NFU1: variants seen among roughly 807,000 people sequenced by gnomAD.
NFU1 encodes the protein NFU1 iron-sulfur cluster scaffold homolog, mitochondrial.
NFU1 carries 30 observed loss-of-function variants against 32.2 expected under a neutral mutation model. That is an observed-to-expected ratio of 0.93 (90% CI 0.70 to 1.26). NFU1 has a LOEUF of 1.26. NFU1 is among the 50% of genes most tolerant of loss of function. The pLI, the probability that NFU1 is intolerant of heterozygous loss-of-function variation, is 0.00. For synonymous variants in NFU1, 112 were observed against 104.6 expected, an observed-to-expected ratio of 1.07 and a Z score of -0.43; for missense variants, 306 against 306.6, an observed-to-expected ratio of 1.00 and a Z score of 0.02.
upstream of NFU1, chr2:69,437,538 G>T (rs1407730908): frequency 5.2e-6 from 7 of 1,339,376 alleles, no homozygotes; most frequent in African/African-American, 5.8e-5. Flanking sequence ...GGCTGCGGGC[G>T]GTCCTGCTGC....
intron 4 of NFU1, chr2:69,416,124 A>G (rs1673042330): frequency 6.6e-6 from 1 of 151,538 alleles, no homozygotes; most frequent in Non-Finnish European, 1.5e-5. Context: ...AGAGGAAAGG[A>G]AAGGAAAAGA....
chr2:69,419,831 A>G (rs1673181514), intron 3 of NFU1, among the ~76,000 whole-genome samples: 1 of 152,212 alleles, frequency 6.6e-6, no homozygotes, highest in Admixed American at 6.5e-5. Flanking sequence ...AAAGACTTGT[A>G]CATAAATCTT....
chr2:69,400,151 G>GT lies in NFU1; in HGVS notation c.720+212dup, dbSNP rs1672473228. ...GCCTCCCAAAGTGCTGGGATTATAGGTTTGAGCCACTGCGCCCAGCCCAAA... is the reference window on the plus strand; with the variant it reads ...GCCTCCCAAAGTGCTGGGATTATAGGTTTTGAGCCACTGCGCCCAGCCCAAA... On this transcript the variant is annotated intron_variant, in intron 7 of 7. Coordinates refer to ENST00000410022, the MANE Select transcript of NFU1 (RefSeq NM_001002755.4). 2.0e-5 allele frequency among the ~76,000 whole-genome samples: 3 copies of GT among 152,116 alleles called. No individual in the cohort carries two copies. The South Asian group carries it at 6.2e-4, about 31-fold the overall frequency.
rs917159133 is a variant in NFU1, at chr2:69,396,908, T to C, written c.721-618A>G. ...TAACACAGTGAAACCCCGTCTCTAC[T>C]AAAAATACAAAAAATTAGCCGGTCG... On this transcript the variant is annotated intron_variant, in intron 7 of 7. Coordinates refer to ENST00000410022, the MANE Select transcript of NFU1 (RefSeq NM_001002755.4). 2.6e-5 allele frequency among the ~76,000 whole-genome samples: 4 copies of C among 151,586 alleles called. No individual in the cohort carries two copies. The South Asian group carries it at 8.4e-4, about 32-fold the overall frequency.
chr2:69,409,719 T>C (rs896138149), intron 5 of NFU1, among the ~76,000 whole-genome samples: 4 of 152,128 alleles, frequency 2.6e-5, no homozygotes, highest in Admixed American at 1.3e-4. Flanking sequence ...CTGGGACTCT[T>C]CTTAGCACTC....
intron 2 of NFU1, among the ~76,000 whole-genome samples, chr2:69,425,183 CT>C (rs1673411527): frequency 1.3e-5 from 2 of 151,304 alleles, no homozygotes; most frequent in East Asian, 3.9e-4. Context: ...CAGCCAAAGG[CT>C]TTTTTTAAAA....
At chr2:69,408,646 G>A (rs1672776284) in intron 5 of NFU1, among the ~76,000 whole-genome samples, 1 of 151,240 alleles carries the variant, frequency 6.6e-6, no homozygotes, top group African/African-American at 2.4e-5. Flanking sequence ...CTTGAACCCG[G>A]GAGGCGGAGG....
intron 6 of NFU1, among the ~76,000 whole-genome samples, chr2:69,405,232 C>T (rs777951843): frequency 1.3e-5 from 2 of 152,074 alleles, no homozygotes; most frequent in East Asian, 3.9e-4. Context: ...AGCAAGACTC[C>T]GTCTTAAAAA....
At chr2:69,438,906 A>ACCC, upstream of NFU1, among the ~76,000 whole-genome samples, 1 of 30,652 alleles carries the variant, frequency 3.3e-5, no homozygotes, top group South Asian at 1.4e-3. Context: ...CCCCCCACCC[A>ACCC]CCCCCCCACA....
chr2:69,399,313 C>T, intron 7 of NFU1: 1 of 449,998 alleles, frequency 2.2e-6, no homozygotes, highest in South Asian at 1.6e-5. Context: ...TCCATAAGGC[C>T]ATGCTTTTTG....
upstream of NFU1, among the ~76,000 whole-genome samples, chr2:69,439,326 C>T (rs1160577350): frequency 1.3e-5 from 2 of 152,152 alleles, no homozygotes; most frequent in African/African-American, 2.4e-5. Flanking sequence ...GTGAGTGTTA[C>T]AGTTCTTAAA....
At chr2:69,403,021 C>T (rs945376551) in intron 6 of NFU1, among the ~76,000 whole-genome samples, 2 of 148,316 alleles carry the variant, frequency 1.3e-5, no homozygotes, top group Admixed American at 1.4e-4. Flanking sequence ...CACTTCCTTC[C>T]TCCCTCCCTC....
At chr2:69,397,116 A>C (rs1254173939) in intron 7 of NFU1, among the ~76,000 whole-genome samples, 3 of 152,106 alleles carry the variant, frequency 2.0e-5, no homozygotes, top group African/African-American at 7.2e-5. Context: ...TAGCCATAAG[A>C]CTAATGTAAA....
chr2:69,416,233 G>A (rs1673045718), intron 4 of NFU1: 1 of 149,774 alleles, frequency 6.7e-6, no homozygotes, highest in South Asian at 2.1e-4. Flanking sequence ...CTGTTTAAAC[G>A]AATTTCAGAA....
In NFU1 at chr2:69,433,203, G is replaced by C. The variant is rs148164519; in HGVS notation, c.63-1198C>G. 4.4e-3 allele frequency among the ~76,000 whole-genome samples: 665 copies of C among 150,886 alleles called. 2 individuals carry two copies. The highest frequency in any genetic ancestry group is 7.7e-3 in the Non-Finnish European group (524 of 67,788). ...CTGTCCTTTTTGTTTTTGAGATGGA[G>C]TCTCACTGTTGTTGGCCCAGGCTGG... is the stretch of plus-strand genomic sequence containing the variant. On this transcript the variant is annotated intron_variant, in intron 1 of 7. Transcript: ENST00000410022.
At chr2:69,412,766 G>A (rs1672928200) in intron 5 of NFU1, among the ~76,000 whole-genome samples, 1 of 150,486 alleles carries the variant, frequency 6.6e-6, no homozygotes, top group African/African-American at 2.5e-5. Flanking sequence ...ACAGAGGCAG[G>A]AGGATTGCTT....
chr2:69,406,937 T>A (rs1420628884), intron 5 of NFU1, among the ~76,000 whole-genome samples: 3 of 152,182 alleles, frequency 2.0e-5, no homozygotes, highest in Non-Finnish European at 4.4e-5. Flanking sequence ...TCACGAGATC[T>A]GATCGTTTTA....
At chr2:69,414,088 A>G (rs1412817682) in intron 5 of NFU1, among the ~76,000 whole-genome samples, 1 of 152,102 alleles carries the variant, frequency 6.6e-6, no homozygotes, top group East Asian at 1.9e-4. Context: ...ATAAATAAAG[A>G]AGCTCTCCAC....
intron 4 of NFU1, chr2:69,416,211 T>A (rs1314130694): frequency 6.6e-6 from 1 of 150,832 alleles, no homozygotes; most frequent in Non-Finnish European, 1.5e-5. Flanking sequence ...TAGCTCCACA[T>A]CTTAAAGGGT....
Sources: gnomAD v4.1 joint callset for allele counts (sites outside exome capture counted in the v4.1 genomes callset) on GRCh38, gnomAD v4.1.1 for gene constraint, MANE v1.5 for transcripts, NCBI Gene and HGNC (gene_info 2026-07-23, HGNC 2026-07-21) for gene names.